Variants in DIS3 observed in about 807,000 individuals in gnomAD.
DIS3 encodes DIS3 exosome endoribonuclease and 3'-5' exoribonuclease.
Under a neutral mutation model 113.0 loss-of-function variants are expected in DIS3, and 103 were observed. That is an observed-to-expected ratio of 0.91 (90% CI 0.78 to 1.07). The LOEUF is 1.07. DIS3 is among the 50% of genes least tolerant of loss of function. DIS3 has a pLI of 0.00. For synonymous variants in DIS3, 402 were observed against 394.3 expected (o/e 1.02, Z -0.23); for missense variants, 1,121 against 1,167.1 (o/e 0.96, Z 0.58).
chr13:72,761,245 G>T (rs9573028), intron 19 of DIS3, 118 bp downstream of exon 19: 401,104 of 1,290,014 alleles, frequency 0.31, 66,591 homozygotes, highest in East Asian at 0.52. Flanking sequence ...TGTATTTGGA[G>T]ATCAGGATAA....
At position 72,781,647 on chromosome 13, in the gene DIS3, T is replaced by C. The variant is rs1476897287; in HGVS notation, c.186A>G (p.Gln62=). Residue 62 remains glutamine, a synonymous_variant, in exon 1 of 21, where the codon CAA becomes CAG. Coordinates refer to ENST00000377767, the MANE Select transcript of DIS3 (RefSeq NM_014953.5). ...TAGTGTCGGGCAGCAAGTAGTGCGG[T>C]TGCGGGCAGACGCTGCTCGCCGGGT... The part of the protein sequence containing the change: ...PQDPASSVCP[Q]PHYLLPDTNV... 9 of 1,544,358 alleles carry C rather than the reference T, an allele frequency of 5.8e-6. No homozygotes were observed. The African/African-American group carries it at 8.2e-5, about 14-fold the overall frequency.
At chr13:72,780,004 A>G (rs1021160326) in intron 2 of DIS3, among the ~76,000 whole-genome samples, 3 of 152,092 alleles carry the variant, frequency 2.0e-5, no homozygotes, top group African/African-American at 7.2e-5. Flanking sequence ...CACTGAGTTC[A>G]AAGGTCTTGA....
At chr13:72,772,383 T>C in intron 9 of DIS3, 108 bp from the exon 10 acceptor site, 1 of 865,422 alleles carries the variant, frequency 1.2e-6, no homozygotes. Context: ...AATTTAGCTG[T>C]ATTTTCTTGA....
Position 72,776,086 on chromosome 13 carries a change from TTTCA to T in DIS3, c.657_660del (p.Asn219LysfsTer2). 2 of 1,593,560 alleles carry T rather than the reference TTTCA, an allele frequency of 1.3e-6. No homozygotes were observed. Among genetic ancestry groups the T allele is most frequent in the Non-Finnish European group, 1.7e-6 (2 of 1,174,480 alleles). ...GAAAATATTATTTTTCCACTTTCTA[TTTCA>T]TTCTATGAAAGAAGCAAACCAAAAG... On this transcript the variant is annotated frameshift_variant and splice_region_variant, in exon 5 of 21. Transcript: ENST00000377767. LOFTEE classifies it high-confidence loss of function.
Position 72,755,845 on chromosome 13 carries a change from A to G in DIS3, c.*3950T>C. ...GACATCATCACGTGTATTGTTATCT[A>G]TGGGGCAAATGTGTGGTGCCCAGAA... On this transcript the variant is annotated 3_prime_UTR_variant, in exon 21 of 21. Transcript: ENST00000377767. 1 of 398,598 alleles carries G rather than the reference A, an allele frequency of 2.5e-6. No individual in the cohort carries two copies. Among genetic ancestry groups the G allele is most frequent in the Non-Finnish European group, 4.4e-6 (1 of 226,068 alleles). 24.7% of individuals were successfully genotyped at this position (398,598 alleles called of 1,614,324 possible).
Position 72,760,391 on chromosome 13 carries a change from T to C in DIS3, c.2793+138A>G. On this transcript the variant is annotated intron_variant, in intron 20 of 20. Coordinates refer to ENST00000377767, the MANE Select transcript of DIS3 (RefSeq NM_014953.5). ...TAAAGAAATCAGTGAGAAAACAGGA[T>C]TTGCTATGCAAATATTTGGTTTCTA... The C allele has an allele frequency of 5.8e-6, 6 of 1,037,066 alleles. No individual in the cohort carries two copies. The South Asian group carries it at 8.9e-5, about 15-fold the overall frequency. 64.2% of individuals were successfully genotyped at this position (1,037,066 alleles called of 1,614,324 possible).
chr13:72,775,191 A>T lies in DIS3; in HGVS notation c.987+20T>A. The stretch of plus-strand genomic sequence containing the variant: ...ATACAAAGCTACACAGACAAAAAAA[A>T]ATCCTGCTTAGATTCATACCATTCG... On this transcript the variant is annotated intron_variant, in intron 6 of 20. Coordinates refer to ENST00000377767, the MANE Select transcript of DIS3 (RefSeq NM_014953.5). The T allele has an allele frequency of 1.3e-6, 2 of 1,582,596 alleles. No homozygotes were observed. The highest frequency in any genetic ancestry group is 1.2e-5 in the South Asian group (1 of 85,564).
chr13:72,781,435 C>G, intron 1 of DIS3, 170 bp downstream of exon 1: 7 of 1,503,412 alleles, frequency 4.7e-6, no homozygotes, highest in Non-Finnish European at 6.2e-6. Flanking sequence ...TTTTAAAGCA[C>G]AAGGAAAAGA....
At position 72,761,913 on chromosome 13, in the gene DIS3, GAA is replaced by G. The variant is rs1296901652; in HGVS notation, c.2342+8_2342+9del. ...TTTCTATCTCCTTTAATTTCATAAG[GAA>G]AAAATACCTTCTAATGGGTGAAGTA... On this transcript the variant is annotated splice_region_variant and intron_variant, in intron 17 of 20. Coordinates refer to ENST00000377767, the MANE Select transcript of DIS3 (RefSeq NM_014953.5). 1 of 1,613,416 alleles carries G rather than the reference GAA, an allele frequency of 6.2e-7. No individual in the cohort carries two copies. The highest frequency in any genetic ancestry group is 8.5e-7 in the Non-Finnish European group (1 of 1,179,924).
At chr13:72,767,848 G>A (rs1185262649) in intron 14 of DIS3, among the ~76,000 whole-genome samples, 1 of 152,168 alleles carries the variant, frequency 6.6e-6, no homozygotes, top group African/African-American at 2.4e-5. Flanking sequence ...GAGGGGCTTG[G>A]GAACTCTGAG....
At chr13:72,774,490 T>G (rs897503674) in intron 6 of DIS3, among the ~76,000 whole-genome samples, 1 of 152,054 alleles carries the variant, frequency 6.6e-6, no homozygotes, top group Non-Finnish European at 1.5e-5. Context: ...GGTTCTTCCT[T>G]ATAAAAAATA....
chr13:72,760,442 A>G, intron 20 of DIS3, 87 bp downstream of exon 20: 1 of 1,547,284 alleles, frequency 6.5e-7, no homozygotes, highest in Non-Finnish European at 8.9e-7. Flanking sequence ...TCCCTCTAAC[A>G]TTAAACAGAA....
chr13:72,755,568 T>C lies in DIS3; in HGVS notation c.*4227A>G, dbSNP rs74094530. On this transcript the variant is annotated 3_prime_UTR_variant, in exon 21 of 21. Transcript: ENST00000377767. ...ACTGAATTTAGCAGTTCTGAGAACA[T>C]GTGAAACTATGTTAAAACTGAAGGC... is the stretch of plus-strand genomic sequence containing the variant. 1.4e-3 allele frequency: 449 copies of C among 331,276 alleles called. 1 individual carries two copies. The highest frequency in any genetic ancestry group is 9.0e-3 in the African/African-American group (428 of 47,564). 20.5% of individuals were successfully genotyped at this position (331,276 alleles called of 1,614,324 possible).
chr13:72,759,730 A>AGTGTTCTTTCAAGTTT lies in DIS3; in HGVS notation c.*49_*64dup. The AGTGTTCTTTCAAGTTT allele has an allele frequency of 7.9e-7, 1 of 1,263,722 alleles. No homozygotes were observed. The highest frequency in any genetic ancestry group is 1.1e-6 in the Non-Finnish European group (1 of 879,238). 78.3% of individuals were successfully genotyped at this position (1,263,722 alleles called of 1,614,324 possible). ...ACTGTATCACACACTTAGGCTTAGAAGTGTTCTTTCAAGTTTTTTCTTTTA... is the reference window on the plus strand; with the variant it reads ...ACTGTATCACACACTTAGGCTTAGAAGTGTTCTTTCAAGTTTGTGTTCTTTCAAGTTTTTTCTTTTA... On this transcript the variant is annotated 3_prime_UTR_variant, in exon 21 of 21. Transcript: ENST00000377767.
intron 14 of DIS3, among the ~76,000 whole-genome samples, chr13:72,767,044 A>G (rs1433753153): frequency 6.6e-6 from 1 of 152,134 alleles, no homozygotes; most frequent in East Asian, 1.9e-4. Flanking sequence ...TTATTAATGG[A>G]TTTTGACATA....
Position 72,771,802 on chromosome 13 carries a change from C to A in DIS3, c.1598G>T (p.Cys533Phe). 1 of 1,612,694 alleles carries A rather than the reference C, an allele frequency of 6.2e-7. No individual in the cohort carries two copies. The highest frequency in any genetic ancestry group is 8.5e-7 in the Non-Finnish European group (1 of 1,179,620). Reference protein sequence around the residue: ...SARRGTTVYLCEKRIDMVPEL... With the variant: ...SARRGTTVYLFEKRIDMVPEL... Reference sequence around the variant, plus strand: ...TAAATTCAATACATTTACCTTTTCACAAAGATACACAGTTGTTCCTCTTCT... The same window carrying A: ...TAAATTCAATACATTTACCTTTTCAAAAAGATACACAGTTGTTCCTCTTCT... Residue 533 changes from cysteine (C) to phenylalanine (F), a missense_variant, in exon 11 of 21, where the codon TGT becomes TTT. By Grantham distance (205) the Cys-to-Phe change is radical. Coordinates refer to ENST00000377767, the MANE Select transcript of DIS3 (RefSeq NM_014953.5).
intron 19 of DIS3, among the ~76,000 whole-genome samples, chr13:72,761,072 G>A (rs572017184): frequency 2.6e-5 from 4 of 151,904 alleles, no homozygotes; most frequent in South Asian, 2.1e-4. Context: ...TTCCTTCCCC[G>A]AGTTATAAAG....
Position 72,762,100 on chromosome 13 carries a change from G to C in DIS3, c.2165C>G (p.Ala722Gly). 2 of 1,614,004 alleles carry C rather than the reference G, an allele frequency of 1.2e-6. No individual in the cohort carries two copies. The highest frequency in any genetic ancestry group is 2.2e-5 in the East Asian group (1 of 44,860). The part of the protein sequence containing the change: ...EIKTDTAKSL[A>G]ESLDQAESPT... ...AGATTCGGCCTGATCCAAAGACTCA[G>C]CCAAAGACTTGGCTGTATCAGTCTT... Residue 722 changes from alanine to glycine, a missense_variant, in exon 17 of 21, where the codon GCT becomes GGT. Ala to Gly is a moderately conservative substitution (Grantham distance 60). Transcript: ENST00000377767.
At position 72,756,044 on chromosome 13, in the gene DIS3, C is replaced by G. The variant is rs1197292563; in HGVS notation, c.*3751G>C. 2.5e-6 allele frequency: 1 copy of G among 398,120 alleles called. No homozygotes were observed. Among genetic ancestry groups the G allele is most frequent in the Non-Finnish European group, 4.4e-6 (1 of 225,916 alleles). 24.7% of individuals were successfully genotyped at this position (398,120 alleles called of 1,614,324 possible). On this transcript the variant is annotated 3_prime_UTR_variant, in exon 21 of 21. Coordinates refer to ENST00000377767, the MANE Select transcript of DIS3 (RefSeq NM_014953.5). Reference sequence around the variant, plus strand: ...CTGGGGCAGATATGTATGTTATATACAACTATTTTTTTAAAAAACTTATAT... The same window carrying G: ...CTGGGGCAGATATGTATGTTATATAGAACTATTTTTTTAAAAAACTTATAT...
Sources: gnomAD v4.1 joint callset for allele counts (sites outside exome capture counted in the v4.1 genomes callset) on GRCh38, gnomAD v4.1.1 for gene constraint, MANE v1.5 for transcripts, NCBI Gene and HGNC (gene_info 2026-07-23, HGNC 2026-07-21) for gene names.